The following DAAM2 variants were observed in gnomAD, a reference collection of about 807,000 sequenced individuals.
DAAM2 encodes dishevelled associated activator of morphogenesis 2, also known as disheveled-associated activator of morphogenesis 2.
Under a neutral mutation model 120.7 loss-of-function variants are expected in DAAM2, and 39 were observed. The observed-to-expected ratio is 0.32, with a 90% confidence interval of 0.25 to 0.42. The LOEUF is 0.42. DAAM2 is among the 10% of genes least tolerant of loss of function. The pLI is 1.00. For missense variants in DAAM2, 1,283 were observed against 1,401.7 expected (o/e 0.92, Z 1.35); for synonymous variants, 488 against 524.9 (o/e 0.93, Z 0.96).
chr6:39,808,844 T>G (rs1419237508), intron 1 of DAAM2, among the ~76,000 whole-genome samples: 1 of 152,242 alleles, frequency 6.6e-6, no homozygotes, highest in Non-Finnish European at 1.5e-5. Context: ...GGGGTGGCTT[T>G]CCTCTCTGCA....
chr6:39,867,679 G>T lies in DAAM2; in HGVS notation c.598G>T (p.Ala200Ser). ...GRAHVLAQPE[A>S]ISTIAQSLRT... ...GGCACATGTGCTGGCACAGCCTGAGGCCATTAGTACCATAGCCCAGAGCCT... is the reference window on the plus strand; with the variant it reads ...GGCACATGTGCTGGCACAGCCTGAGTCCATTAGTACCATAGCCCAGAGCCT... Residue 200 changes from alanine (A) to serine (S), a missense_variant, in exon 6 of 25, where the codon GCC (alanine) becomes TCC (serine). Physicochemically the swap from Ala to Ser is moderately conservative, Grantham distance 99 (BLOSUM62 1). Around this residue, in one of 3 missense-constraint regions of DAAM2, gnomAD observed 338 missense variants for 443.9 expected, o/e 0.76. Transcript: ENST00000274867. 1 of 1,614,000 alleles carries T rather than the reference G, an allele frequency of 6.2e-7. No individual in the cohort carries two copies. Among genetic ancestry groups the T allele is most frequent in the Non-Finnish European group, 8.5e-7 (1 of 1,179,896 alleles).
At chr6:39,886,385 A>G in intron 15 of DAAM2, 1 of 399,346 alleles carries the variant, frequency 2.5e-6, no homozygotes, top group Non-Finnish European at 4.4e-6. Context: ...AATGTTGTGC[A>G]TGTTTAATTC....
At chr6:39,885,363 G>A (rs3003937) in intron 15 of DAAM2, 85,279 of 152,078 alleles carry the variant, frequency 0.56, 24,350 homozygotes, top group East Asian at 0.78. Context: ...CTGGCTCCTG[G>A]GAGCCAATTC....
chr6:39,824,274 C>A (rs1251493143), intron 1 of DAAM2, among the ~76,000 whole-genome samples: 1 of 152,172 alleles, frequency 6.6e-6, no homozygotes, highest in African/African-American at 2.4e-5. Flanking sequence ...ATGACCTCTC[C>A]CCATCCCCCT....
intron 1 of DAAM2, among the ~76,000 whole-genome samples, chr6:39,828,687 C>T (rs979960149): frequency 3.2e-4 from 48 of 151,820 alleles, no homozygotes; most frequent in Non-Finnish European, 5.6e-4. Context: ...CTCAGCCTCC[C>T]GGGTAGCTGG....
rs1055373095 is a variant in DAAM2, at chr6:39,864,364, G to A, written c.259-69G>A. On this transcript the variant is annotated intron_variant, in intron 3 of 24. Coordinates refer to ENST00000274867, the MANE Select transcript of DAAM2 (RefSeq NM_001201427.2). ...ATGAATCCCTCTGCTGACACGGAAT[G>A]AAGCTCAGGATCTCAGGCCACGGGC... 79 of 1,227,430 alleles carry A rather than the reference G, an allele frequency of 6.4e-5. No individual in the cohort carries two copies. In the African/African-American group the frequency reaches 1.0e-3, roughly 16 times the overall value. 76.0% of individuals were successfully genotyped at this position (1,227,430 alleles called of 1,614,324 possible). A position where few individuals can be genotyped will look rare whatever the true frequency, so the allele number is the denominator to read the frequency against.
At chr6:39,828,585 A>G (rs1233510714) in intron 1 of DAAM2, among the ~76,000 whole-genome samples, 34 of 77,992 alleles carry the variant, frequency 4.4e-4, no homozygotes, top group Middle Eastern at 6.8e-3. Context: ...TTTTTTTGAG[A>G]CGGATTCTTG....
chr6:39,807,578 G>A (rs9462566), intron 1 of DAAM2, among the ~76,000 whole-genome samples: 6,270 of 152,172 alleles, frequency 0.041, 180 homozygotes, highest in South Asian at 0.12. Context: ...GTGCAATGGC[G>A]TGACCTCTTT....
In DAAM2 at chr6:39,902,094, G is replaced by A; in HGVS notation, c.*57G>A. 1.4e-6 allele frequency: 2 copies of A among 1,433,076 alleles called. No homozygotes were observed. Among genetic ancestry groups the A allele is most frequent in the Non-Finnish European group, 1.9e-6 (2 of 1,043,814 alleles). The allele number at this position is 1,433,076 out of a possible 1,614,324, so 88.8% of individuals were successfully genotyped here. A position where few individuals can be genotyped will look rare whatever the true frequency, so the allele number is the denominator to read the frequency against. ...GACAGGGACTGGTGAGAATGGGGCT[G>A]AGTGGAGGAGGTGGTGATATTTAAA... On this transcript the variant is annotated 3_prime_UTR_variant, in exon 25 of 25. Coordinates refer to ENST00000274867, the MANE Select transcript of DAAM2 (RefSeq NM_001201427.2).
At chr6:39,882,954 G>A (rs1256056167) in intron 14 of DAAM2, among the ~76,000 whole-genome samples, 1 of 152,050 alleles carries the variant, frequency 6.6e-6, no homozygotes, top group Admixed American at 6.5e-5. Context: ...TGAAAGGTAT[G>A]TTTCTCTCTC....
intron 1 of DAAM2, chr6:39,848,808 G>A (rs1459748325): frequency 6.6e-6 from 1 of 152,234 alleles, no homozygotes; most frequent in Non-Finnish European, 1.5e-5. Flanking sequence ...CAGTCAAATT[G>A]TTCAGGGCAG....
intron 10 of DAAM2, among the ~76,000 whole-genome samples, chr6:39,874,487 A>G (rs969907088): frequency 3.9e-5 from 6 of 152,132 alleles, no homozygotes; most frequent in Non-Finnish European, 7.4e-5. Flanking sequence ...GCTCCCAGGG[A>G]TTCCTGTGTT....
intron 1 of DAAM2, among the ~76,000 whole-genome samples, chr6:39,840,058 C>CT (rs1226129457): frequency 7.2e-5 from 11 of 152,238 alleles, no homozygotes; most frequent in African/African-American, 2.4e-4. Context: ...GAAACCCTGT[C>CT]TCTACACAAA....
At chr6:39,824,245 A>G (rs547244673) in intron 1 of DAAM2, among the ~76,000 whole-genome samples, 1 of 152,162 alleles carries the variant, frequency 6.6e-6, no homozygotes, top group South Asian at 2.1e-4. Flanking sequence ...CTCAGGAAGT[A>G]TTGCTGGCAT....
intron 1 of DAAM2, among the ~76,000 whole-genome samples, chr6:39,803,241 C>T (rs939374850): frequency 6.6e-6 from 1 of 152,208 alleles, no homozygotes; most frequent in South Asian, 2.1e-4. Context: ...ATATGTTCAG[C>T]TTTAGGAGGT....
At chr6:39,843,712 A>G (rs1763444687) in intron 1 of DAAM2, among the ~76,000 whole-genome samples, 1 of 152,240 alleles carries the variant, frequency 6.6e-6, no homozygotes, top group Non-Finnish European at 1.5e-5. Context: ...TGAAGGTGGG[A>G]CAGCCTGGAC....
chr6:39,904,582 T>TAA lies in DAAM2; in HGVS notation c.*2547_*2548dup, dbSNP rs147227788. 9 of 454,206 alleles carry TAA rather than the reference T, an allele frequency of 2.0e-5. No homozygotes were observed. In the East Asian group the frequency reaches 2.1e-4, roughly 11 times the overall value. The allele number at this position is 454,206 out of a possible 1,614,324, so 28.1% of individuals were successfully genotyped here. A position where few individuals can be genotyped will look rare whatever the true frequency, so the allele number is the denominator to read the frequency against. On this transcript the variant is annotated 3_prime_UTR_variant, in exon 25 of 25. Coordinates refer to ENST00000274867, the MANE Select transcript of DAAM2 (RefSeq NM_001201427.2). Reference sequence around the variant, plus strand: ...CAGCATTTCTCCCCTGTGATGGAAATAAAGTGTTTAGGGCAGTGGGAGGAG... The same window carrying TAA: ...CAGCATTTCTCCCCTGTGATGGAAATAAAAAGTGTTTAGGGCAGTGGGAGGAG...
Position 39,903,926 on chromosome 6 carries a change from G to C in DAAM2, c.*1889G>C. The C allele has an allele frequency of 3.0e-6, 1 of 335,864 alleles. No individual in the cohort carries two copies. The highest frequency in any genetic ancestry group is 5.8e-6 in the Non-Finnish European group (1 of 172,992). The allele number at this position is 335,864 out of a possible 1,614,324, so 20.8% of individuals were successfully genotyped here. On this transcript the variant is annotated 3_prime_UTR_variant, in exon 25 of 25. Coordinates refer to ENST00000274867, the MANE Select transcript of DAAM2 (RefSeq NM_001201427.2). The stretch of plus-strand genomic sequence containing the variant: ...AAGATGAAGGCTTCCAGGCAGAACA[G>C]CTGCAGAGAGTTTGGCTATATGCAT...
chr6:39,867,238 C>T, intron 5 of DAAM2: 2 of 440,348 alleles, frequency 4.5e-6, no homozygotes, highest in Non-Finnish European at 4.2e-6. Flanking sequence ...TGATAATTAT[C>T]ATGATCATGT....
Sources: gnomAD v4.1 joint callset for allele counts (sites outside exome capture counted in the v4.1 genomes callset) on GRCh38, gnomAD v4.1.1 for gene constraint, gnomAD v4.1.1 regional missense constraint, MANE v1.5 for transcripts, NCBI Gene and HGNC (gene_info 2026-07-23, HGNC 2026-07-21) for gene names.